The following LRRC75A variants were observed in gnomAD, a reference collection of about 807,000 sequenced individuals.
LRRC75A encodes the protein leucine rich repeat containing 75A, also known as leucine-rich repeat-containing protein 75A.
LRRC75A carries 12 observed loss-of-function variants against 26.0 expected under a neutral mutation model. That is an observed-to-expected ratio of 0.46 (90% CI 0.30 to 0.75). The LOEUF (loss-of-function observed/expected upper bound fraction) is 0.75. Ranked by LOEUF, LRRC75A falls within the 30% of genes least tolerant of loss-of-function variation. The probability of loss-of-function intolerance (pLI) is 0.08; values close to 1 mark genes in which losing one functional copy is unlikely to be tolerated. For synonymous variants in LRRC75A, 223 were observed against 219.3 expected, an observed-to-expected ratio of 1.02 and a Z score of -0.15; for missense variants, 410 against 486.6, an observed-to-expected ratio of 0.84 and a Z score of 1.48.
At chr17:16,460,498 A>G (rs1370258154) in intron 2 of LRRC75A, among the ~76,000 whole-genome samples, 1 of 151,986 alleles carries the variant, frequency 6.6e-6, no homozygotes, top group Non-Finnish European at 1.5e-5. Flanking sequence ...CAGGCTGTCC[A>G]TGAGGCAACC....
chr17:16,465,768 CCTGGTTGCCCAG>C (rs2093763667), intron 1 of LRRC75A, among the ~76,000 whole-genome samples: 2 of 152,240 alleles, frequency 1.3e-5, no homozygotes, highest in South Asian at 4.1e-4. Context: ...GCGCCATCCC[CCTGGTTGCCCAG>C]CTGCTGACTG....
At chr17:16,490,124 G>A (rs1601209709) in intron 1 of LRRC75A, among the ~76,000 whole-genome samples, 1 of 152,204 alleles carries the variant, frequency 6.6e-6, no homozygotes, top group East Asian at 1.9e-4. Flanking sequence ...GGGCCTCCAA[G>A]CGGCCCTCCA....
chr17:16,463,312 G>A (rs2093742240), intron 1 of LRRC75A: 1 of 152,310 alleles, frequency 6.6e-6, no homozygotes, highest in Non-Finnish European at 1.5e-5. Flanking sequence ...CACGTGAAAG[G>A]GGGAGGTACG....
At position 16,479,720 on chromosome 17, in the gene LRRC75A, C is replaced by T. The variant is rs528734085; in HGVS notation, c.246+12025G>A. Among the ~76,000 whole-genome samples, 14 of 152,234 alleles carry T rather than the reference C, an allele frequency of 9.2e-5. No homozygotes were observed. In the East Asian group the frequency reaches 9.6e-4, roughly 10 times the overall value. On this transcript the variant is annotated intron_variant, in intron 1 of 3. Transcript: ENST00000470794. Reference sequence around the variant, plus strand: ...TAGCGAAAATCTAACATGGAGGCAGCGAGCTCATGAAGCTTGCCCCTCGCT... The same window carrying T: ...TAGCGAAAATCTAACATGGAGGCAGTGAGCTCATGAAGCTTGCCCCTCGCT...
intron 1 of LRRC75A, among the ~76,000 whole-genome samples, chr17:16,488,442 A>G (rs1055949324): frequency 4.6e-5 from 7 of 152,208 alleles, no homozygotes; most frequent in African/African-American, 1.7e-4. Context: ...GCCAGACCCA[A>G]AGTGAGTAAG....
intron 2 of LRRC75A, 62 bp from the exon 3 acceptor site, chr17:16,448,022 A>G (rs1042022326): frequency 1.4e-6 from 2 of 1,417,832 alleles, no homozygotes; most frequent in African/African-American, 2.8e-5. Context: ...CTCAGCCCCC[A>G]GGCTTCCTGT....
rs73978887 is a variant in LRRC75A at position 16,444,183 on chromosome 17, C to T, written c.492-52G>A. ...TCAGGCACATAGGGCAGGCCTTTCCCCCAGAAGCTGCAGTGCCAGCCTCTG... is the reference window on the plus strand; with the variant it reads ...TCAGGCACATAGGGCAGGCCTTTCCTCCAGAAGCTGCAGTGCCAGCCTCTG... On this transcript the variant is annotated intron_variant, in intron 3 of 3. Transcript: ENST00000470794. The T allele has an allele frequency of 3.2e-5, 46 of 1,438,758 alleles. 1 individual carries two copies. The highest frequency in any genetic ancestry group is 4.2e-5 in the Non-Finnish European group (45 of 1,073,930). The allele number at this position is 1,438,758 out of a possible 1,614,324, so 89.1% of individuals were successfully genotyped here. A position where few individuals can be genotyped will look rare whatever the true frequency, so the allele number is the denominator to read the frequency against.
At chr17:16,468,862 C>T (rs2093789079) in intron 1 of LRRC75A, among the ~76,000 whole-genome samples, 1 of 152,190 alleles carries the variant, frequency 6.6e-6, no homozygotes, top group Non-Finnish European at 1.5e-5. Flanking sequence ...GCACTCCAAC[C>T]TGGGTGACAG....
chr17:16,479,742 C>T (rs545879601), intron 1 of LRRC75A, among the ~76,000 whole-genome samples: 2 of 152,368 alleles, frequency 1.3e-5, no homozygotes, highest in South Asian at 2.1e-4. Flanking sequence ...GCTTGCCCCT[C>T]GCTGGGAACA....
intron 2 of LRRC75A, among the ~76,000 whole-genome samples, chr17:16,450,125 C>T (rs2093619238): frequency 1.3e-5 from 2 of 152,182 alleles, no homozygotes; most frequent in South Asian, 4.1e-4. Flanking sequence ...GCCCTGCACA[C>T]CAGACATCAC....
At chr17:16,469,336 G>T (rs2093792886) in intron 1 of LRRC75A, among the ~76,000 whole-genome samples, 1 of 152,048 alleles carries the variant, frequency 6.6e-6, no homozygotes, top group African/African-American at 2.4e-5. Context: ...TCACAGCTTG[G>T]CCTCTTTGGG....
intron 1 of LRRC75A, among the ~76,000 whole-genome samples, chr17:16,478,024 C>G (rs2093825166): frequency 6.6e-6 from 1 of 151,606 alleles, no homozygotes; most frequent in Non-Finnish European, 1.5e-5. Flanking sequence ...TCAGGCCTCT[C>G]TCTCCATCCA....
At chr17:16,485,726 G>C (rs1444134632) in intron 1 of LRRC75A, among the ~76,000 whole-genome samples, 1 of 151,250 alleles carries the variant, frequency 6.6e-6, no homozygotes, top group East Asian at 1.9e-4. Context: ...TTTTCTTGCA[G>C]GGCACCGGCA....
At chr17:16,467,598 A>G (rs1456856931) in intron 1 of LRRC75A, among the ~76,000 whole-genome samples, 1 of 152,172 alleles carries the variant, frequency 6.6e-6, no homozygotes, top group Non-Finnish European at 1.5e-5. Flanking sequence ...CCTGAAGACA[A>G]CCTGGCTCAA....
At chr17:16,453,222 G>A (rs889118504) in intron 2 of LRRC75A, among the ~76,000 whole-genome samples, 20 of 152,206 alleles carry the variant, frequency 1.3e-4, no homozygotes, top group African/African-American at 4.8e-4. Context: ...CCGGGAGGTG[G>A]AGGTTGCAGT....
intron 1 of LRRC75A, among the ~76,000 whole-genome samples, chr17:16,481,666 G>A (rs1312843463): frequency 2.0e-5 from 3 of 152,078 alleles, no homozygotes; most frequent in African/African-American, 7.2e-5. Context: ...TCGGCAAGAT[G>A]GCCCTGGCAT....
In LRRC75A at chr17:16,443,936, C is replaced by T. The variant is rs149167603; in HGVS notation, c.687G>A (p.Leu229=). The T allele has an allele frequency of 2.0e-4, 321 of 1,613,104 alleles. No homozygotes were observed. The highest frequency in any genetic ancestry group is 5.0e-4 in the Middle Eastern group (3 of 6,058). Reference sequence around the variant, plus strand: ...TGAGTGCCAGTGTGGTGAGGCGGGGCAGGGTGCTGAGTGCTGGCAGCAGCT... The same window carrying T: ...TGAGTGCCAGTGTGGTGAGGCGGGGTAGGGTGCTGAGTGCTGGCAGCAGCT... ...VLQLLPALST[L]PRLTTLALNG... The change falls in exon 4 of 4, where the codon CTG becomes CTA. Residue 229 remains leucine (L), a synonymous_variant. Transcript: ENST00000470794.
chr17:16,480,655 A>C, intron 1 of LRRC75A, among the ~76,000 whole-genome samples: 1 of 151,184 alleles, frequency 6.6e-6, no homozygotes, highest in Non-Finnish European at 1.5e-5. Context: ...AAAAAAAAAA[A>C]CTGGAGACCA....
chr17:16,481,688 G>C (rs539638712), intron 1 of LRRC75A, among the ~76,000 whole-genome samples: 18 of 152,086 alleles, frequency 1.2e-4, no homozygotes, highest in Non-Finnish European at 2.1e-4. Context: ...CAGCACAGGA[G>C]GGGAGACATG....
Sources: gnomAD v4.1 joint callset for allele counts (sites outside exome capture counted in the v4.1 genomes callset) on GRCh38, gnomAD v4.1.1 for gene constraint, MANE v1.5 for transcripts, NCBI Gene and HGNC (gene_info 2026-07-23, HGNC 2026-07-21) for gene names.